Variants in ZNF469 observed in about 807,000 individuals in gnomAD.
ZNF469 encodes the protein zinc finger protein 469.
Under a neutral mutation model 1.0 loss-of-function variants are expected in ZNF469, and 1 was observed. The ratio of observed to expected loss-of-function variants is 1.00; its 90% CI spans 0.35 to 4.73. ZNF469 has a LOEUF of 4.73. Among genes scored for constraint, ZNF469 ranks in the 30% most tolerant of loss-of-function variants. The pLI, the probability that ZNF469 is intolerant of heterozygous loss-of-function variation, is 0.16. For synonymous variants in ZNF469, 2,703 were observed against 2,363.4 expected (o/e 1.14, Z -4.17); for missense variants, 6,100 against 5,356.3 (o/e 1.14, Z -4.33).
the ZNF469 span, among the ~76,000 whole-genome samples, chr16:88,350,417 A>C: frequency 0.3 from 45,212 of 152,232 alleles, 7,725 homozygotes; most frequent in African/African-American, 0.47. Flanking sequence ...AGAATCGCCT[A>C]GGGGAGGGCA....
At position 88,424,923 on chromosome 16, in the gene ZNF469, T is replaced by G. The variant is rs753270768; in HGVS notation, c.-127+52T>G. On this transcript the variant is annotated intron_variant, in intron 2 of 2. Coordinates refer to ENST00000565624, the MANE Select transcript of ZNF469 (RefSeq NM_001367624.2). The surrounding 1 kb of genome is among the most constrained non-coding windows in gnomAD (Gnocchi z 4.3). The stretch of plus-strand genomic sequence containing the variant: ...AGGCTGGCCACAGATGCTCTGGTCT[T>G]GATGGTCCTGAGGCCCCCTCCGCCC... Among the ~76,000 whole-genome samples the G allele has an allele frequency of 6.6e-6, 1 of 152,178 alleles. No homozygotes were observed. The highest frequency in any genetic ancestry group is 1.5e-5 in the Non-Finnish European group (1 of 68,018).
the ZNF469 span, among the ~76,000 whole-genome samples, chr16:88,113,773 C>A: frequency 1.3e-5 from 2 of 152,204 alleles, no homozygotes; most frequent in African/African-American, 2.4e-5. Context: ...ATTTCACCGA[C>A]ACGGCTGGTT....
chr16:88,429,625 C>G lies in ZNF469; in HGVS notation c.2155C>G (p.Leu719Val). 6.5e-7 allele frequency: 1 copy of G among 1,545,500 alleles called. No individual in the cohort carries two copies. Among genetic ancestry groups the G allele is most frequent in the Non-Finnish European group, 8.7e-7 (1 of 1,143,726 alleles). ...TCCGTACCCCACACACCACTTCTCC[C>G]TCAGCAGCGCCAGCCTGGACCAGCT... ...PPPYPTHHFS[L>V]SSASLDQLDV... Residue 719 changes from leucine to valine, a missense_variant, in exon 3 of 3, where the codon CTC becomes GTC. Coordinates refer to ENST00000565624, the MANE Select transcript of ZNF469 (RefSeq NM_001367624.2).
chr16:88,265,818 C>T, the ZNF469 span, among the ~76,000 whole-genome samples: 3 of 152,344 alleles, frequency 2.0e-5, no homozygotes, highest in East Asian at 3.9e-4. Flanking sequence ...AGGGGATCCC[C>T]GCTGGCTTCT....
the ZNF469 span, among the ~76,000 whole-genome samples, chr16:88,238,181 G>T: frequency 6.6e-6 from 1 of 152,264 alleles, no homozygotes; most frequent in Non-Finnish European, 1.5e-5. Context: ...GGAGGGGGAT[G>T]CCCACGCTGC....
At chr16:88,291,043 A>G in the ZNF469 span, among the ~76,000 whole-genome samples, 1 of 152,234 alleles carries the variant, frequency 6.6e-6, no homozygotes, top group East Asian at 1.9e-4. Flanking sequence ...GAGTGACTGG[A>G]TGGGCTCCAG....
chr16:88,436,512 A>T lies in ZNF469; in HGVS notation c.9042A>T (p.Gly3014=). The stretch of plus-strand genomic sequence containing the variant: ...CCGATGACTCCTCCTCTTCTCTCGG[A>T]GATGTGAGCCCCGAGCCCCCCAGCC... ...APADDSSSSL[G]DVSPEPPSLE... The change falls in exon 3 of 3, where the codon GGA becomes GGT. Residue 3014 remains glycine, a synonymous_variant. Transcript: ENST00000565624. 6.5e-7 allele frequency: 1 copy of T among 1,548,656 alleles called. No individual in the cohort carries two copies. Among genetic ancestry groups the T allele is most frequent in the Non-Finnish European group, 8.7e-7 (1 of 1,146,928 alleles).
the ZNF469 span, among the ~76,000 whole-genome samples, chr16:88,316,845 C>G: frequency 6.7e-6 from 1 of 149,636 alleles, no homozygotes; most frequent in South Asian, 2.1e-4. Context: ...CTGCACCCAG[C>G]CTGGGTGCTG....
chr16:88,432,084 C>A lies in ZNF469; in HGVS notation c.4614C>A (p.Ala1538=), dbSNP rs768668858. 1 of 1,550,544 alleles carries A rather than the reference C, an allele frequency of 6.4e-7. No individual in the cohort carries two copies. The highest frequency in any genetic ancestry group is 1.2e-5 in the South Asian group (1 of 84,050). ...CPPERTVVPG[A]APSLPGKGSG... is the part of the protein sequence containing the mutation. ...CTGAACGGACAGTGGTTCCCGGCGC[C>A]GCCCCATCTTTGCCTGGGAAGGGGA... Residue 1538 remains alanine, a synonymous_variant, in exon 3 of 3, where the codon GCC becomes GCA. Transcript: ENST00000565624.
At chr16:88,249,753 A>G in the ZNF469 span, among the ~76,000 whole-genome samples, 2 of 152,198 alleles carry the variant, frequency 1.3e-5, no homozygotes, top group East Asian at 3.9e-4. Flanking sequence ...TAATTTTTTT[A>G]TAGAGACAGG....
At chr16:88,340,279 G>A in the ZNF469 span, among the ~76,000 whole-genome samples, 2 of 152,206 alleles carry the variant, frequency 1.3e-5, no homozygotes, top group Non-Finnish European at 2.9e-5. Context: ...AGTGAGCCAC[G>A]TGTACCAAAC....
the ZNF469 span, among the ~76,000 whole-genome samples, chr16:88,279,796 T>C: frequency 0.15 from 16,814 of 110,174 alleles, 541 homozygotes; most frequent in South Asian, 0.22. Flanking sequence ...TGTGCCACGC[T>C]GACACTCGGT....
the ZNF469 span, among the ~76,000 whole-genome samples, chr16:88,277,542 C>T: frequency 1.3e-4 from 20 of 150,042 alleles, no homozygotes; most frequent in East Asian, 2.0e-4. Context: ...TGCTGCGCCA[C>T]GCCGACACTC....
At chr16:88,237,088 G>A in the ZNF469 span, among the ~76,000 whole-genome samples, 242 of 149,726 alleles carry the variant, frequency 1.6e-3, 4 homozygotes, top group African/African-American at 5.6e-3. Context: ...CATGGCACAC[G>A]ATCCCCATTA....
chr16:88,249,787 G>C, the ZNF469 span, among the ~76,000 whole-genome samples: 3 of 152,194 alleles, frequency 2.0e-5, no homozygotes, highest in African/African-American at 4.8e-5. Flanking sequence ...GCCCTGGCTG[G>C]TCTGGGCTCA....
the ZNF469 span, among the ~76,000 whole-genome samples, chr16:88,137,723 G>A: frequency 2.0e-5 from 3 of 152,252 alleles, no homozygotes; most frequent in Non-Finnish European, 4.4e-5. Context: ...CAAGAGGGAA[G>A]GGAAAGACAG....
chr16:88,346,152 A>T, the ZNF469 span, among the ~76,000 whole-genome samples: 2 of 152,172 alleles, frequency 1.3e-5, no homozygotes, highest in East Asian at 3.8e-4. Context: ...TGCCCGACAG[A>T]TATCTCCAGG....
intron 1 of ZNF469, among the ~76,000 whole-genome samples, chr16:88,401,058 C>G (rs1329807531): frequency 6.6e-6 from 1 of 152,242 alleles, no homozygotes; most frequent in East Asian, 1.9e-4. Context: ...CAGCCCCTCC[C>G]TGACCCTGGC....
chr16:88,229,800 ACCT>A, the ZNF469 span, among the ~76,000 whole-genome samples: 1 of 151,958 alleles, frequency 6.6e-6, no homozygotes, highest in Non-Finnish European at 1.5e-5. Context: ...CTCTGTGCAC[ACCT>A]CCTCCTCCAC....
Sources: gnomAD v4.1 joint callset for allele counts (sites outside exome capture counted in the v4.1 genomes callset) on GRCh38, gnomAD v4.1.1 for gene constraint, Gnocchi (gnomAD v3.1) non-coding constraint, MANE v1.5 for transcripts, NCBI Gene and HGNC (gene_info 2026-07-23, HGNC 2026-07-21) for gene names.